Variants in PDE1C observed in about 807,000 individuals in gnomAD.
PDE1C encodes phosphodiesterase 1C.
In PDE1C, 62 loss-of-function variants were observed where a neutral mutation model predicts 93.1. The ratio of observed to expected loss-of-function variants is 0.67; its 90% CI spans 0.54 to 0.82. PDE1C has a LOEUF of 0.82. Ranked by LOEUF, PDE1C falls within the 40% of genes least tolerant of loss-of-function variation. PDE1C has a pLI of 0.00. For synonymous variants in PDE1C, 325 were observed against 310.1 expected, an observed-to-expected ratio of 1.05 and a Z score of -0.50; for missense variants, 742 against 884.6, an observed-to-expected ratio of 0.84 and a Z score of 2.04.
chr7:31,858,136 C>T (rs542734219), intron 7 of PDE1C, among the ~76,000 whole-genome samples: 1 of 152,092 alleles, frequency 6.6e-6, no homozygotes, highest in Non-Finnish European at 1.5e-5. Context: ...CAGAAGCAGA[C>T]AGAAGAGAAA....
At chr7:32,356,603 AAAG>A (rs1318687904) in intron 1 of PDE1C, among the ~76,000 whole-genome samples, 5 of 152,242 alleles carry the variant, frequency 3.3e-5, no homozygotes, top group African/African-American at 1.2e-4. Flanking sequence ...TCTGGCCACA[AAAG>A]AAGTACCATG....
chr7:31,633,258 A>T, the PDE1C span, among the ~76,000 whole-genome samples: 328 of 152,298 alleles, frequency 2.2e-3, 1 homozygote, highest in African/African-American at 7.5e-3. Flanking sequence ...AAGGAGTTCG[A>T]CACATTCTGC....
chr7:31,680,929 T>C, the PDE1C span, among the ~76,000 whole-genome samples: 4 of 152,294 alleles, frequency 2.6e-5, no homozygotes, highest in Admixed American at 2.0e-4. Flanking sequence ...CAGAAAGCTC[T>C]GATACCTGGT....
the PDE1C span, among the ~76,000 whole-genome samples, chr7:31,637,545 G>A: frequency 2.0e-5 from 3 of 152,216 alleles, no homozygotes; most frequent in African/African-American, 7.2e-5. Context: ...CTTTTGAGAA[G>A]TGTCTGTTCA....
chr7:31,797,957 A>G (rs577938608), intron 16 of PDE1C, among the ~76,000 whole-genome samples: 61 of 151,840 alleles, frequency 4.0e-4, no homozygotes, highest in African/African-American at 1.3e-3. Context: ...GATATAGCAC[A>G]TGCAAGATGA....
chr7:32,321,126 A>G (rs1783283019), intron 1 of PDE1C, among the ~76,000 whole-genome samples: 1 of 152,178 alleles, frequency 6.6e-6, no homozygotes, highest in African/African-American at 2.4e-5. Context: ...GTGACAAAAG[A>G]ACAAAAATCT....
the PDE1C span, among the ~76,000 whole-genome samples, chr7:31,682,106 A>G: frequency 2.0e-5 from 3 of 152,184 alleles, no homozygotes; most frequent in Admixed American, 2.0e-4. Flanking sequence ...TTCTTCATCC[A>G]TAAGAAGGGG....
intron 2 of PDE1C, among the ~76,000 whole-genome samples, chr7:31,970,280 A>G: frequency 6.6e-6 from 1 of 152,212 alleles, no homozygotes; most frequent in Non-Finnish European, 1.5e-5. Context: ...ATAAACACAG[A>G]TGCTTTAATA....
At chr7:32,000,751 G>A (rs1302231574) in intron 2 of PDE1C, among the ~76,000 whole-genome samples, 1 of 152,166 alleles carries the variant, frequency 6.6e-6, no homozygotes, top group Non-Finnish European at 1.5e-5. Flanking sequence ...TGCCGGGGAT[G>A]TCTGGTACCC....
intron 2 of PDE1C, among the ~76,000 whole-genome samples, chr7:31,888,249 C>CAA (rs34112969): frequency 0.082 from 3,593 of 44,072 alleles, 371 homozygotes; most frequent in East Asian, 0.24. Context: ...GACTCAGTCT[C>CAA]AAAAAAAAAA....
intron 1 of PDE1C, among the ~76,000 whole-genome samples, chr7:32,294,434 T>C (rs550416935): frequency 6.6e-6 from 1 of 152,270 alleles, no homozygotes; most frequent in South Asian, 2.1e-4. Context: ...TTCACCCACC[T>C]CCTTCTGACA....
chr7:31,694,387 A>ACACACACACACACACACAC, the PDE1C span, among the ~76,000 whole-genome samples: 6 of 141,676 alleles, frequency 4.2e-5, 1 homozygote, highest in South Asian at 6.9e-4. Context: ...CTCTCTCTCA[A>ACACACACACACACACACAC]ACACACACAC....
intron 16 of PDE1C, chr7:31,790,129 T>G (rs545838927): frequency 3.2e-6 from 5 of 1,579,106 alleles, no homozygotes; most frequent in African/African-American, 1.4e-5. Context: ...GTTTGAAAGT[T>G]GTACACCTTC....
At chr7:32,170,265 A>G (rs535435612) in intron 2 of PDE1C, among the ~76,000 whole-genome samples, 1 of 152,186 alleles carries the variant, frequency 6.6e-6, no homozygotes, top group East Asian at 1.9e-4. Context: ...AGTTGGAAAT[A>G]TATAAAGCAC....
chr7:32,203,356 A>T (rs1404953736), intron 2 of PDE1C, among the ~76,000 whole-genome samples: 4 of 152,068 alleles, frequency 2.6e-5, no homozygotes, highest in African/African-American at 9.7e-5. Context: ...CATGATTTTG[A>T]GTTCCCTCTG....
chr7:32,085,405 G>T (rs2128740929), intron 3 of PDE1C, among the ~76,000 whole-genome samples: 1 of 145,808 alleles, frequency 6.9e-6, no homozygotes, highest in South Asian at 2.4e-4. Flanking sequence ...TGGATTCACA[G>T]CCAAATTCTA....
At chr7:32,174,082 T>C (rs1186088783) in intron 2 of PDE1C, among the ~76,000 whole-genome samples, 2 of 152,286 alleles carry the variant, frequency 1.3e-5, no homozygotes, top group East Asian at 3.9e-4. Flanking sequence ...TAATAAGATA[T>C]GGTCCTATTA....
At chr7:31,696,937 T>C in the PDE1C span, 6 of 1,609,928 alleles carry the variant, frequency 3.7e-6, no homozygotes, top group South Asian at 6.6e-5. Context: ...TTGATCCTGT[T>C]TCTCTCTGTG....
chr7:31,805,928 A>G (rs185310253), intron 16 of PDE1C, among the ~76,000 whole-genome samples: 7 of 152,000 alleles, frequency 4.6e-5, no homozygotes, highest in African/African-American at 1.7e-4. Flanking sequence ...GATGTCTGGT[A>G]TCTTAAAAAG....
Sources: gnomAD v4.1 joint callset for allele counts (sites outside exome capture counted in the v4.1 genomes callset) on GRCh38, gnomAD v4.1.1 for gene constraint, MANE v1.5 for transcripts, NCBI Gene and HGNC (gene_info 2026-07-23, HGNC 2026-07-21) for gene names.